The following KCNH1 variants were observed in gnomAD, a reference collection of about 807,000 sequenced individuals.
The protein encoded by KCNH1 is potassium voltage-gated channel subfamily H member 1, also known as voltage-gated delayed rectifier potassium channel KCNH1.
Under a neutral mutation model 69.2 loss-of-function variants are expected in KCNH1, and 27 were observed. The ratio of observed to expected loss-of-function variants is 0.39; its 90% CI spans 0.29 to 0.54. KCNH1 has a LOEUF of 0.54. KCNH1 is among the 20% of genes least tolerant of loss of function. The probability of loss-of-function intolerance (pLI) is 0.68; values close to 1 mark genes in which losing one functional copy is unlikely to be tolerated. For missense variants in KCNH1, 798 were observed against 1,261.6 expected (o/e 0.63, Z 5.57); for synonymous variants, 456 against 487.7 (o/e 0.93, Z 0.86).
chr1:211,052,741 G>T (rs1011118824), intron 5 of KCNH1, among the ~76,000 whole-genome samples: 6 of 152,188 alleles, frequency 3.9e-5, no homozygotes, highest in Non-Finnish European at 8.8e-5. Flanking sequence ...TAAGGATTTG[G>T]GTATGGCCTC....
intron 1 of KCNH1, among the ~76,000 whole-genome samples, chr1:211,122,153 A>C (rs1285874698): frequency 6.6e-6 from 1 of 152,152 alleles, no homozygotes; most frequent in Non-Finnish European, 1.5e-5. Flanking sequence ...AAAACCATCG[A>C]AAAGTGGACA....
intron 1 of KCNH1, among the ~76,000 whole-genome samples, chr1:211,129,880 T>C (rs1691845953): frequency 6.6e-6 from 1 of 152,254 alleles, no homozygotes; most frequent in Admixed American, 6.5e-5. Flanking sequence ...CAAAATGTGC[T>C]GTGTTTCACT....
intron 10 of KCNH1, among the ~76,000 whole-genome samples, chr1:210,686,018 C>T (rs926329509): frequency 6.6e-6 from 1 of 152,154 alleles, no homozygotes; most frequent in African/African-American, 2.4e-5. Context: ...TACCTGGGTT[C>T]CAGTATGTGG....
chr1:210,773,242 G>GC (rs1272358139), intron 10 of KCNH1, among the ~76,000 whole-genome samples: 3 of 152,088 alleles, frequency 2.0e-5, no homozygotes. Context: ...CTCCACCACT[G>GC]CCCACCCTCC....
At chr1:210,811,725 C>T (rs767936612) in intron 7 of KCNH1, among the ~76,000 whole-genome samples, 3 of 152,094 alleles carry the variant, frequency 2.0e-5, no homozygotes, top group Non-Finnish European at 2.9e-5. Flanking sequence ...TTTCCAAACC[C>T]GCAAAGTCAA....
At chr1:210,778,037 A>T (rs928254678) in intron 9 of KCNH1, among the ~76,000 whole-genome samples, 1 of 152,204 alleles carries the variant, frequency 6.6e-6, no homozygotes, top group African/African-American at 2.4e-5. Context: ...GGTCACATGT[A>T]TATGCTGTGG....
intron 10 of KCNH1, among the ~76,000 whole-genome samples, chr1:210,725,699 T>C (rs926346578): frequency 6.6e-6 from 1 of 152,194 alleles, no homozygotes; most frequent in African/African-American, 2.4e-5. Flanking sequence ...CAAATGGCTC[T>C]CAAGGCTCTT....
chr1:211,040,527 T>C (rs1327588540), intron 5 of KCNH1, among the ~76,000 whole-genome samples: 2 of 152,208 alleles, frequency 1.3e-5, no homozygotes, highest in Non-Finnish European at 2.9e-5. Flanking sequence ...CCTGCCATGA[T>C]TCTGAGGCCT....
At chr1:210,855,298 T>C (rs114918342) in intron 7 of KCNH1, among the ~76,000 whole-genome samples, 2,745 of 152,270 alleles carry the variant, frequency 0.018, 78 homozygotes, top group African/African-American at 0.062. Context: ...GCAAAGAATT[T>C]AAAAGACAAG....
In KCNH1 at chr1:210,936,174, G is replaced by T. The variant is rs117942643; in HGVS notation, c.1033-16105C>A. Among the ~76,000 whole-genome samples the T allele has an allele frequency of 1.0e-3, 152 of 152,270 alleles. 3 individuals carry two copies. In the East Asian group the frequency reaches 0.025, roughly 25 times the overall value. ...ATCGCATCCATAGCAAATTCTGCAGGTAACCTCTTTTTACAGTTTCCTGAT... is the reference window on the plus strand; with the variant it reads ...ATCGCATCCATAGCAAATTCTGCAGTTAACCTCTTTTTACAGTTTCCTGAT... On this transcript the variant is annotated intron_variant, in intron 6 of 10. Transcript: ENST00000271751.
chr1:211,087,770 C>T (rs547027530), intron 4 of KCNH1, among the ~76,000 whole-genome samples: 3 of 152,062 alleles, frequency 2.0e-5, no homozygotes, highest in Non-Finnish European at 2.9e-5. Context: ...TGTCAAAAGA[C>T]AGAGAGCAAA....
chr1:210,860,871 GC>G, intron 7 of KCNH1: 1 of 920,536 alleles, frequency 1.1e-6, no homozygotes, highest in Non-Finnish European at 1.8e-6. Context: ...CTCTCATGTA[GC>G]CTAGTTCACT....
At chr1:211,119,443 G>A (rs1056656521) in intron 1 of KCNH1, among the ~76,000 whole-genome samples, 2 of 152,096 alleles carry the variant, frequency 1.3e-5, no homozygotes, top group African/African-American at 2.4e-5. Context: ...GATAATGATT[G>A]AGATAAATGA....
At chr1:211,000,117 C>A (rs1689144251) in intron 6 of KCNH1, among the ~76,000 whole-genome samples, 1 of 152,178 alleles carries the variant, frequency 6.6e-6, no homozygotes, top group Non-Finnish European at 1.5e-5. Flanking sequence ...CAGGGATGTC[C>A]TCTCTCACCA....
rs1574177548 is a variant in KCNH1 at position 210,683,394 on chromosome 1, C to G, written c.2857G>C (p.Glu953Gln). The G allele has an allele frequency of 3.1e-6, 5 of 1,614,052 alleles. No homozygotes were observed. In the East Asian group the frequency reaches 1.1e-4, roughly 36 times the overall value. ...CTGGAAGTTAATATCCTGAGTATCT[C>G]AGAGAGCTGTTTCTCAATATTGGTC... ...KMTNIEKQLS[E>Q]ILRILTSRRS... is the part of the protein sequence containing the mutation. Residue 953 changes from glutamate to glutamine, a missense_variant, in exon 11 of 11, where the codon GAG (glutamate) becomes CAG (glutamine). Physicochemically the swap from Glu to Gln is conservative, Grantham distance 29 (BLOSUM62 2). This residue lies in a region of KCNH1 where 331 missense variants were observed against 363.2 expected (regional missense o/e 0.91). Coordinates refer to ENST00000271751, the MANE Select transcript of KCNH1 (RefSeq NM_172362.3). The surrounding 1 kb of genome is among the most constrained non-coding windows in gnomAD (Gnocchi z 5.7).
At position 211,109,365 on chromosome 1, in the gene KCNH1, G is replaced by A. The variant is rs146103916; in HGVS notation, c.80-1988C>T. The stretch of plus-strand genomic sequence containing the variant: ...AAAGTCAGAGAGCTTTGATTTTATC[G>A]TAGGGGCAGAATAATCCTTCATATT... On this transcript the variant is annotated intron_variant, in intron 1 of 10. Coordinates refer to ENST00000271751, the MANE Select transcript of KCNH1 (RefSeq NM_172362.3). Among the ~76,000 whole-genome samples the A allele has an allele frequency of 2.4e-3, 365 of 152,272 alleles. 4 individuals are homozygous for A. Among genetic ancestry groups the A allele is most frequent in the Middle Eastern group, 3.4e-3 (1 of 294 alleles).
At chr1:210,845,347 A>G (rs1011207489) in intron 7 of KCNH1, among the ~76,000 whole-genome samples, 20 of 152,274 alleles carry the variant, frequency 1.3e-4, no homozygotes, top group African/African-American at 4.3e-4. Context: ...CTGGCAAACC[A>G]AATCCAGCAG....
chr1:210,879,404 C>T (rs561652397), intron 7 of KCNH1, among the ~76,000 whole-genome samples: 23 of 151,820 alleles, frequency 1.5e-4, no homozygotes, highest in African/African-American at 3.6e-4. Context: ...AATAATTATA[C>T]GGCAAAAACA....
chr1:211,089,426 T>C (rs1691013284), intron 4 of KCNH1, among the ~76,000 whole-genome samples: 1 of 152,228 alleles, frequency 6.6e-6, no homozygotes, highest in African/African-American at 2.4e-5. Context: ...TGAAATTGAT[T>C]TATTGAGCTA....
Sources: gnomAD v4.1 joint callset for allele counts (sites outside exome capture counted in the v4.1 genomes callset) on GRCh38, gnomAD v4.1.1 for gene constraint, gnomAD v4.1.1 regional missense constraint, Gnocchi (gnomAD v3.1) non-coding constraint, MANE v1.5 for transcripts, NCBI Gene and HGNC (gene_info 2026-07-23, HGNC 2026-07-21) for gene names.